Variants in RBFOX1 observed in about 807,000 individuals in gnomAD.
RBFOX1 encodes RNA binding fox-1 homolog 1.
In RBFOX1, 8 loss-of-function variants were observed where a neutral mutation model predicts 57.7. That is an observed-to-expected ratio of 0.14 (90% confidence interval 0.08 to 0.25). The LOEUF (loss-of-function observed/expected upper bound fraction) is 0.25, where lower values mean the gene tolerates loss of function less well. Among genes scored for constraint, RBFOX1 ranks in the 10% least tolerant of loss-of-function variants. The pLI is 1.00. For missense variants in RBFOX1, 611 were observed against 548.5 expected (o/e 1.11, Z -1.14); for synonymous variants, 326 against 222.4 (o/e 1.47, Z -4.15).
chr16:5,940,460 C>T (rs1025372465), intron 4 of RBFOX1, among the ~76,000 whole-genome samples: 7 of 152,076 alleles, frequency 4.6e-5, no homozygotes, highest in Admixed American at 4.6e-4. Flanking sequence ...CCAAGGTCAC[C>T]CACCTGGAAA....
chr16:5,869,869 A>G (rs1030770922), intron 4 of RBFOX1, among the ~76,000 whole-genome samples: 3 of 152,194 alleles, frequency 2.0e-5, no homozygotes, highest in Non-Finnish European at 4.4e-5. Flanking sequence ...AACACATGCA[A>G]GAATTCCCAT....
chr16:7,590,332 T>G (rs977829948), intron 7 of RBFOX1, among the ~76,000 whole-genome samples: 2 of 151,834 alleles, frequency 1.3e-5, no homozygotes, highest in African/African-American at 4.8e-5. Flanking sequence ...GTATCTATAT[T>G]ATTTTGGAAA....
intron 2 of RBFOX1, among the ~76,000 whole-genome samples, chr16:6,455,494 C>A (rs2094748152): frequency 6.6e-6 from 1 of 152,154 alleles, no homozygotes; most frequent in Non-Finnish European, 1.5e-5. Flanking sequence ...CAGCAGCTAT[C>A]TCTTAGAGGG....
intron 2 of RBFOX1, among the ~76,000 whole-genome samples, chr16:6,384,698 A>C (rs1161388842): frequency 6.6e-6 from 1 of 152,224 alleles, no homozygotes; most frequent in Non-Finnish European, 1.5e-5. Context: ...AAATGTGTGA[A>C]CAAGTTTATA....
chr16:6,742,208 A>G (rs1181228195), intron 3 of RBFOX1, among the ~76,000 whole-genome samples: 1 of 152,190 alleles, frequency 6.6e-6, no homozygotes, highest in African/African-American at 2.4e-5. Context: ...AAGAGGATAT[A>G]TGGAGGCAAT....
chr16:5,323,203 C>T (rs75923843), intron 1 of RBFOX1, among the ~76,000 whole-genome samples: 3,042 of 152,282 alleles, frequency 0.02, 100 homozygotes, highest in African/African-American at 0.07. Flanking sequence ...CATTTCTTGC[C>T]GACTCAGTAC....
At chr16:6,730,693 C>T (rs746448363) in intron 3 of RBFOX1, among the ~76,000 whole-genome samples, 1 of 152,162 alleles carries the variant, frequency 6.6e-6, no homozygotes, top group Non-Finnish European at 1.5e-5. Flanking sequence ...GATGAAATGC[C>T]ACTGTCCAAA....
chr16:6,500,387 A>G (rs1250565861), intron 2 of RBFOX1, among the ~76,000 whole-genome samples: 3 of 152,162 alleles, frequency 2.0e-5, no homozygotes, highest in African/African-American at 7.2e-5. Flanking sequence ...GCTTCTCACT[A>G]GAGGATATTC....
intron 1 of RBFOX1, among the ~76,000 whole-genome samples, chr16:6,108,970 T>A (rs1225950844): frequency 6.6e-6 from 1 of 152,224 alleles, no homozygotes; most frequent in Non-Finnish European, 1.5e-5. Context: ...AAAGACCCTT[T>A]TCTCTCACAA....
At chr16:7,252,244 T>C (rs1464597963) in intron 4 of RBFOX1, among the ~76,000 whole-genome samples, 1 of 152,256 alleles carries the variant, frequency 6.6e-6, no homozygotes, top group Non-Finnish European at 1.5e-5. Context: ...CTCCATTCAT[T>C]TATTCGTTCA....
intron 3 of RBFOX1, among the ~76,000 whole-genome samples, chr16:6,998,955 G>A (rs1005086012): frequency 1.3e-5 from 2 of 150,896 alleles, no homozygotes; most frequent in East Asian, 2.0e-4. Flanking sequence ...TGTAACCTCC[G>A]CCTCCCAGGT....
At chr16:6,193,391 A>ATAT (rs1567650996) in intron 1 of RBFOX1, among the ~76,000 whole-genome samples, 8 of 15,740 alleles carry the variant, frequency 5.1e-4, no homozygotes, top group African/African-American at 8.2e-4. Context: ...ATATATATAT[A>ATAT]CTATATATAT....
At chr16:5,547,288 C>G (rs982609692) in intron 2 of RBFOX1, among the ~76,000 whole-genome samples, 1 of 152,184 alleles carries the variant, frequency 6.6e-6, no homozygotes, top group African/African-American at 2.4e-5. Flanking sequence ...TGTCCTCAAA[C>G]AACACACATG....
At chr16:7,670,724 G>C (rs1487426916) in intron 13 of RBFOX1, among the ~76,000 whole-genome samples, 2 of 152,158 alleles carry the variant, frequency 1.3e-5, no homozygotes, top group Non-Finnish European at 2.9e-5. Context: ...GTATACACAA[G>C]CCTTTATAGG....
intron 4 of RBFOX1, among the ~76,000 whole-genome samples, chr16:7,119,006 G>C (rs113355020): frequency 2.5e-4 from 38 of 152,278 alleles, no homozygotes; most frequent in African/African-American, 7.2e-4. Flanking sequence ...CTGTGTGCCA[G>C]AGGACACTCA....
intron 3 of RBFOX1, among the ~76,000 whole-genome samples, chr16:6,811,828 A>G (rs1276713163): frequency 3.3e-5 from 5 of 152,168 alleles, no homozygotes; most frequent in African/African-American, 4.8e-5. Context: ...GGCAGAGGTT[A>G]CAGTGAGCCG....
intron 2 of RBFOX1, among the ~76,000 whole-genome samples, chr16:6,529,243 A>T (rs2096622999): frequency 6.6e-6 from 1 of 152,118 alleles, no homozygotes; most frequent in East Asian, 1.9e-4. Context: ...TATTGCATTG[A>T]CTGTAAGTTC....
intron 1 of RBFOX1, among the ~76,000 whole-genome samples, chr16:5,351,873 G>C (rs963929442): frequency 6.6e-6 from 1 of 152,092 alleles, no homozygotes; most frequent in Non-Finnish European, 1.5e-5. Flanking sequence ...GCACAATCTT[G>C]GCTCACTGCA....
At chr16:6,701,880 T>C (rs931168766) in intron 3 of RBFOX1, among the ~76,000 whole-genome samples, 3 of 152,080 alleles carry the variant, frequency 2.0e-5, no homozygotes, top group African/African-American at 4.8e-5. Context: ...TTCTCACTTA[T>C]AAATGCGATC....
Sources: allele counts gnomAD v4.1 joint callset (sites outside exome capture counted in the v4.1 genomes callset), GRCh38; gene constraint gnomAD v4.1.1; transcripts MANE v1.5; gene names NCBI Gene and HGNC (gene_info 2026-07-23, HGNC 2026-07-21).